SLC4A1AP: variants seen among roughly 807,000 people sequenced by gnomAD.
The protein encoded by SLC4A1AP is kanadaptin.
Under a neutral mutation model 89.7 loss-of-function variants are expected in SLC4A1AP, and 64 were observed. The ratio of observed to expected loss-of-function variants is 0.71; its 90% confidence interval spans 0.58 to 0.88. SLC4A1AP has a LOEUF of 0.88. Ranked by LOEUF, SLC4A1AP falls within the 40% of genes least tolerant of loss-of-function variation. The pLI is 0.00. For missense variants in SLC4A1AP, 931 were observed against 965.0 expected (o/e 0.96, Z 0.47); for synonymous variants, 366 against 353.3 (o/e 1.04, Z -0.40).
At chr2:27,690,820 C>T (rs190872921) in intron 12 of SLC4A1AP, among the ~76,000 whole-genome samples, 1 of 152,198 alleles carries the variant, frequency 6.6e-6, no homozygotes, top group East Asian at 1.9e-4. Context: ...TGTGATGTAT[C>T]ATATTTATTG....
In SLC4A1AP at chr2:27,689,898, A is replaced by G. The variant is rs140701115; in HGVS notation, c.2271+1131A>G. Among the ~76,000 whole-genome samples the G allele has an allele frequency of 6.8e-4, 103 of 152,332 alleles. 1 individual carries two copies. The South Asian group carries it at 0.016, about 24-fold the overall frequency. On this transcript the variant is annotated intron_variant, in intron 12 of 13. Coordinates refer to ENST00000613058, the Ensembl canonical transcript of SLC4A1AP. ...AACCTTGGCCAAAAGGTAAATGCCA[A>G]ATTTCCCTCTATGGGGGCTGTACCA... is the stretch of plus-strand genomic sequence containing the variant.
chr2:27,675,429 T>C, intron 5 of SLC4A1AP, 103 bp from the exon 6 acceptor site: 2 of 704,342 alleles, frequency 2.8e-6, no homozygotes, highest in Non-Finnish European at 4.5e-6. Context: ...AACCTCTCTT[T>C]CAGTAGTTGA....
intron 8 of SLC4A1AP, among the ~76,000 whole-genome samples, chr2:27,679,911 G>A (rs1482250124): frequency 6.6e-6 from 1 of 152,166 alleles, no homozygotes; most frequent in Non-Finnish European, 1.5e-5. Context: ...ATGGGAGTGA[G>A]GGAAGCAGGA....
chr2:27,683,671 C>G (rs376555874), intron 9 of SLC4A1AP, among the ~76,000 whole-genome samples: 50 of 152,238 alleles, frequency 3.3e-4, no homozygotes, highest in African/African-American at 1.2e-3. Flanking sequence ...CACAATTCGT[C>G]CAAAACACCC....
At chr2:27,675,751 A>G in intron 6 of SLC4A1AP, 59 bp downstream of exon 6, 1 of 1,102,422 alleles carries the variant, frequency 9.1e-7, no homozygotes, top group Admixed American at 2.9e-5. Flanking sequence ...TAATAACATA[A>G]TGTATTATTT....
intron 13 of SLC4A1AP, 94 bp from the exon 14 acceptor site, chr2:27,694,540 A>G (rs879066768): frequency 1.3e-5 from 11 of 874,696 alleles, no homozygotes; most frequent in African/African-American, 3.5e-5. Context: ...CTTTTTGTCT[A>G]TTTTACTTTT....
intron 3 of SLC4A1AP, 118 bp from the exon 4 acceptor site, chr2:27,668,725 C>T: frequency 1.1e-6 from 1 of 928,646 alleles, no homozygotes; most frequent in African/African-American, 1.6e-5. Flanking sequence ...GTTAGGATTA[C>T]AGGCGTGAGC....
chr2:27,689,963 A>G (rs928846606), intron 12 of SLC4A1AP, among the ~76,000 whole-genome samples: 1 of 152,182 alleles, frequency 6.6e-6, no homozygotes, highest in Non-Finnish European at 1.5e-5. Context: ...TGCCCCTTTT[A>G]AAGAGTGTCA....
chr2:27,682,625 A>G (rs541012138), intron 9 of SLC4A1AP, among the ~76,000 whole-genome samples: 1 of 151,748 alleles, frequency 6.6e-6, no homozygotes, highest in African/African-American at 2.4e-5. Flanking sequence ...CCCGGGTTCA[A>G]GCAATTCTCC....
At chr2:27,669,213 A>C (rs1190012412) in intron 4 of SLC4A1AP, 35 bp from the exon 5 acceptor site, 6 of 1,571,662 alleles carry the variant, frequency 3.8e-6, no homozygotes, top group East Asian at 4.5e-5. Flanking sequence ...ATTGGAGCTT[A>C]ATGCTGTGCT....
intron 5 of SLC4A1AP, among the ~76,000 whole-genome samples, chr2:27,669,615 C>T (rs1293596064): frequency 6.6e-6 from 1 of 152,152 alleles, no homozygotes; most frequent in African/African-American, 2.4e-5. Flanking sequence ...AAAAAACACT[C>T]ATACACAAAT....
At chr2:27,676,238 A>C (rs1338614425) in intron 6 of SLC4A1AP, among the ~76,000 whole-genome samples, 1 of 152,222 alleles carries the variant, frequency 6.6e-6, no homozygotes, top group Non-Finnish European at 1.5e-5. Context: ...TAGACTCTCA[A>C]TTGGTGGGAA....
At chr2:27,694,714 G>A (rs892478271) in exon 14 of SLC4A1AP, 6 of 1,458,486 alleles carry the variant, frequency 4.1e-6, no homozygotes, top group Non-Finnish European at 5.7e-6. Context: ...AAAACCTTGT[G>A]GACCATGTGA....
chr2:27,690,962 C>T (rs780071885), intron 12 of SLC4A1AP, among the ~76,000 whole-genome samples: 6 of 151,954 alleles, frequency 3.9e-5, no homozygotes, highest in African/African-American at 7.3e-5. Flanking sequence ...AGGATTTTTG[C>T]GTCTGTGTTC....
intron 5 of SLC4A1AP, among the ~76,000 whole-genome samples, chr2:27,671,034 C>T (rs1427761816): frequency 7.0e-6 from 1 of 143,552 alleles, no homozygotes; most frequent in Non-Finnish European, 1.5e-5. Context: ...AGTGATTCTT[C>T]TGCCTCAGCC....
exon 14 of SLC4A1AP, chr2:27,694,875 T>G (rs762397476): frequency 9.7e-5 from 42 of 432,010 alleles, no homozygotes; most frequent in Non-Finnish European, 1.4e-4. Flanking sequence ...TATTTATGTT[T>G]AAAAGTGTTT....
At chr2:27,665,737 A>G (rs1270022425) in intron 2 of SLC4A1AP, among the ~76,000 whole-genome samples, 1 of 152,224 alleles carries the variant, frequency 6.6e-6, no homozygotes, top group Non-Finnish European at 1.5e-5. Context: ...ATATCTAATC[A>G]GATAAAGCTG....
exon 2 of SLC4A1AP, chr2:27,665,228 G>C: frequency 6.2e-7 from 1 of 1,613,510 alleles, no homozygotes; most frequent in Non-Finnish European, 8.5e-7. Flanking sequence ...AAGAGGAAAT[G>C]GATACCTCTG....
At chr2:27,679,238 G>A (rs1464458018) in intron 8 of SLC4A1AP, among the ~76,000 whole-genome samples, 2 of 152,166 alleles carry the variant, frequency 1.3e-5, no homozygotes, top group African/African-American at 4.8e-5. Flanking sequence ...AGGAAATGAT[G>A]TACAGCATTG....
Sources: gnomAD v4.1 joint callset for allele counts (sites outside exome capture counted in the v4.1 genomes callset) on GRCh38, gnomAD v4.1.1 for gene constraint, MANE v1.5 for transcripts, NCBI Gene and HGNC (gene_info 2026-07-23, HGNC 2026-07-21) for gene names.